Variants in MALRD1 observed in about 807,000 individuals in gnomAD.
The protein encoded by MALRD1 is MAM and LDL receptor class A domain containing 1, also known as MAM and LDL-receptor class A domain-containing protein 1.
In MALRD1, 247 loss-of-function variants were observed where a neutral mutation model predicts 242.1. The ratio of observed to expected loss-of-function variants is 1.02; its 90% confidence interval spans 0.92 to 1.13. The LOEUF is 1.13. Ranked by LOEUF, MALRD1 falls within the 50% of genes most tolerant of loss-of-function variation. The pLI, the probability that MALRD1 is intolerant of heterozygous loss-of-function variation, is 0.00. For missense variants in MALRD1, 2,989 were observed against 2,533.1 expected (o/e 1.18, Z -3.86); for synonymous variants, 995 against 866.6 (o/e 1.15, Z -2.60).
Position 19,583,436 on chromosome 10 carries a change from G to A in MALRD1, c.5681-11758G>A, listed in dbSNP as rs1430088311. ...TTATTGAGAGTTTTTAGCATGAAGG[G>A]TTGTTGAATTTTGTCAAAGGCCTTT... On this transcript the variant is annotated intron_variant, in intron 33 of 39. Coordinates refer to ENST00000454679, the MANE Select transcript of MALRD1 (RefSeq NM_001142308.3). Among the ~76,000 whole-genome samples the A allele has an allele frequency of 3.3e-5, 5 of 149,326 alleles. No homozygotes were observed. In the East Asian group the frequency reaches 7.9e-4, roughly 23 times the overall value.
chr10:19,223,071 G>A (rs975061233), intron 18 of MALRD1, among the ~76,000 whole-genome samples: 2 of 152,138 alleles, frequency 1.3e-5, no homozygotes, highest in Admixed American at 6.6e-5. Context: ...CTATAGATTA[G>A]GGACATAATG....
intron 36 of MALRD1, among the ~76,000 whole-genome samples, chr10:19,665,121 G>A (rs1841618281): frequency 6.6e-6 from 1 of 152,102 alleles, no homozygotes; most frequent in Non-Finnish European, 1.5e-5. Flanking sequence ...ACAAACAGAA[G>A]TTTATTAACG....
chr10:19,689,090 A>G (rs1334768420), intron 36 of MALRD1, among the ~76,000 whole-genome samples: 1 of 152,242 alleles, frequency 6.6e-6, no homozygotes, highest in Non-Finnish European at 1.5e-5. Context: ...TTCTAAAAAT[A>G]AATGTCTGTG....
chr10:19,674,975 C>CT (rs143541384), intron 36 of MALRD1, among the ~76,000 whole-genome samples: 3 of 149,162 alleles, frequency 2.0e-5, no homozygotes, highest in Admixed American at 1.3e-4. Flanking sequence ...TTTAAAAAAA[C>CT]TTTTTTTTAG....
At chr10:19,733,582 A>G (rs1459045142) in intron 39 of MALRD1, among the ~76,000 whole-genome samples, 3 of 151,768 alleles carry the variant, frequency 2.0e-5, no homozygotes, top group African/African-American at 7.2e-5. Context: ...TATGCATCCA[A>G]ATGGGTAGAT....
intron 33 of MALRD1, among the ~76,000 whole-genome samples, chr10:19,569,965 T>C (rs1237092832): frequency 6.6e-6 from 1 of 151,696 alleles, no homozygotes; most frequent in African/African-American, 2.4e-5. Flanking sequence ...CCTAAGAAAT[T>C]ACTGTTTTTC....
chr10:19,338,299 C>T (rs749684629), intron 24 of MALRD1, among the ~76,000 whole-genome samples: 1 of 151,824 alleles, frequency 6.6e-6, no homozygotes, highest in African/African-American at 2.4e-5. Context: ...CGTTTCATTG[C>T]CCTAAAAATC....
chr10:19,414,785 C>G (rs1184248243), intron 28 of MALRD1, among the ~76,000 whole-genome samples: 1 of 151,754 alleles, frequency 6.6e-6, no homozygotes, highest in Non-Finnish European at 1.5e-5. Flanking sequence ...CTAGAAATTT[C>G]CTGGACACCA....
intron 1 of MALRD1, among the ~76,000 whole-genome samples, chr10:19,059,688 G>A (rs1449604167): frequency 2.6e-5 from 4 of 151,924 alleles, no homozygotes; most frequent in South Asian, 4.1e-4. Context: ...CACTGCGCTG[G>A]CCCTCTGCAT....
chr10:19,489,400 T>A (rs1290603999), intron 29 of MALRD1: 1 of 555,726 alleles, frequency 1.8e-6, no homozygotes, highest in African/African-American at 1.9e-5. Context: ...CCAAGTCTGA[T>A]TAATACTATG....
At chr10:19,713,078 C>T (rs1834215658) in intron 38 of MALRD1, among the ~76,000 whole-genome samples, 1 of 151,924 alleles carries the variant, frequency 6.6e-6, no homozygotes, top group African/African-American at 2.4e-5. Context: ...TGGAGGAGAC[C>T]CCCTCCCTCT....
chr10:19,310,847 A>G (rs1357798588), intron 21 of MALRD1, among the ~76,000 whole-genome samples: 1 of 151,366 alleles, frequency 6.6e-6, no homozygotes, highest in Non-Finnish European at 1.5e-5. Context: ...TTCTCCGGGT[A>G]TTATCTATAT....
At chr10:19,636,312 A>G (rs1003764770) in intron 36 of MALRD1, among the ~76,000 whole-genome samples, 1 of 152,288 alleles carries the variant, frequency 6.6e-6, no homozygotes, top group Middle Eastern at 3.4e-3. Flanking sequence ...TTTACTACCC[A>G]TTGACTTTCC....
At chr10:19,600,889 CTTTG>C (rs1230627066) in intron 34 of MALRD1, among the ~76,000 whole-genome samples, 5 of 151,896 alleles carry the variant, frequency 3.3e-5, no homozygotes, top group African/African-American at 7.3e-5. Flanking sequence ...TTGTTTGTTT[CTTTG>C]TTTGTTTTTG....
chr10:19,220,589 A>G (rs1330539702), intron 18 of MALRD1, among the ~76,000 whole-genome samples: 1 of 152,174 alleles, frequency 6.6e-6, no homozygotes, highest in Non-Finnish European at 1.5e-5. Flanking sequence ...CTACCATTAC[A>G]ACTAGCTTGA....
At chr10:19,172,971 A>T (rs1274413714) in intron 13 of MALRD1, among the ~76,000 whole-genome samples, 1 of 152,058 alleles carries the variant, frequency 6.6e-6, no homozygotes, top group East Asian at 1.9e-4. Flanking sequence ...TCTTAGTTTA[A>T]GATTCTACAG....
intron 38 of MALRD1, among the ~76,000 whole-genome samples, chr10:19,700,599 T>C (rs1833579396): frequency 6.6e-6 from 1 of 152,230 alleles, no homozygotes; most frequent in Non-Finnish European, 1.5e-5. Flanking sequence ...AGTCTTGGTC[T>C]CTGCTACCTA....
intron 1 of MALRD1, chr10:19,052,195 CA>C: frequency 5.9e-6 from 2 of 339,472 alleles, no homozygotes; most frequent in South Asian, 2.5e-5. Context: ...AGCAATTAAT[CA>C]AAAAGAAAAA....
At chr10:19,671,893 T>A (rs1298073266) in intron 36 of MALRD1, among the ~76,000 whole-genome samples, 1 of 152,162 alleles carries the variant, frequency 6.6e-6, no homozygotes, top group Non-Finnish European at 1.5e-5. Context: ...AGGCAACCTT[T>A]CTTTGGTAGC....
Sources: gnomAD v4.1 joint callset for allele counts (sites outside exome capture counted in the v4.1 genomes callset) on GRCh38, gnomAD v4.1.1 for gene constraint, MANE v1.5 for transcripts, NCBI Gene and HGNC (gene_info 2026-07-23, HGNC 2026-07-21) for gene names.